The following CENPW variants were observed in gnomAD, a reference collection of about 807,000 sequenced individuals.
CENPW encodes the protein cancer-up-regulated gene 2 protein.
Under a neutral mutation model 11.1 loss-of-function variants are expected in CENPW, and 3 were observed. That is an observed-to-expected ratio of 0.27 (90% CI 0.12 to 0.70). The LOEUF (loss-of-function observed/expected upper bound fraction) is 0.70, where lower values mean the gene tolerates loss of function less well. Ranked by LOEUF, CENPW falls within the 30% of genes least tolerant of loss-of-function variation. CENPW has a pLI of 0.77. For missense variants in CENPW, 100 were observed against 105.6 expected, an observed-to-expected ratio of 0.95 and a Z score of 0.23; for synonymous variants, 38 against 42.0, an observed-to-expected ratio of 0.91 and a Z score of 0.37.
intron 1 of CENPW, among the ~76,000 whole-genome samples, chr6:126,341,423 G>A (rs1031918601): frequency 2.6e-5 from 4 of 152,028 alleles, no homozygotes; most frequent in African/African-American, 7.2e-5. Context: ...TTGCTTCCTG[G>A]ACTTCTCCAC....
the CENPW span, among the ~76,000 whole-genome samples, chr6:126,437,467 T>A: frequency 6.6e-6 from 1 of 151,894 alleles, no homozygotes; most frequent in Non-Finnish European, 1.5e-5. Flanking sequence ...CCACTTTGGC[T>A]CCTTGGTTGG....
chr6:126,364,903 C>T, the CENPW span, among the ~76,000 whole-genome samples: 8 of 152,102 alleles, frequency 5.3e-5, no homozygotes, highest in African/African-American at 1.7e-4. Flanking sequence ...GGTATTTAGT[C>T]CCCACAAAAG....
At chr6:126,452,830 C>T in the CENPW span, among the ~76,000 whole-genome samples, 2 of 150,942 alleles carry the variant, frequency 1.3e-5, no homozygotes, top group African/African-American at 4.8e-5. Context: ...CCAGACACAT[C>T]ATAATCAAGC....
chr6:126,367,831 G>A, the CENPW span, among the ~76,000 whole-genome samples: 2 of 152,062 alleles, frequency 1.3e-5, no homozygotes, highest in African/African-American at 4.8e-5. Context: ...AGTTGATGTG[G>A]GAGAATTCAG....
the CENPW span, among the ~76,000 whole-genome samples, chr6:126,366,761 C>T: frequency 1.4e-4 from 22 of 152,128 alleles, no homozygotes; most frequent in African/African-American, 4.3e-4. Context: ...TTGCAGAATA[C>T]CTGAGATTGG....
the CENPW span, among the ~76,000 whole-genome samples, chr6:126,470,054 G>A: frequency 6.6e-6 from 1 of 152,174 alleles, no homozygotes; most frequent in Non-Finnish European, 1.5e-5. Flanking sequence ...AACTCAAGCT[G>A]GCTGCAAAAA....
At chr6:126,469,285 TGTCA>T in the CENPW span, among the ~76,000 whole-genome samples, 1 of 152,112 alleles carries the variant, frequency 6.6e-6, no homozygotes, top group African/African-American at 2.4e-5. Context: ...AGTTTAAAAG[TGTCA>T]GTTTCTCCTG....
At chr6:126,395,052 T>C in the CENPW span, among the ~76,000 whole-genome samples, 1 of 152,128 alleles carries the variant, frequency 6.6e-6, no homozygotes, top group Non-Finnish European at 1.5e-5. Context: ...TTCTATAACC[T>C]TCTTGTATTG....
the CENPW span, among the ~76,000 whole-genome samples, chr6:126,379,247 A>G: frequency 6.6e-6 from 1 of 152,150 alleles, no homozygotes; most frequent in East Asian, 1.9e-4. Flanking sequence ...CTTTAAACTC[A>G]CAGTGGAGGT....
chr6:126,421,264 C>G, the CENPW span, among the ~76,000 whole-genome samples: 2 of 152,066 alleles, frequency 1.3e-5, no homozygotes, highest in Admixed American at 1.3e-4. Context: ...AGCCTGCAGT[C>G]TTCCTTTTAA....
At chr6:126,382,828 A>G in the CENPW span, among the ~76,000 whole-genome samples, 1 of 152,178 alleles carries the variant, frequency 6.6e-6, no homozygotes, top group Non-Finnish European at 1.5e-5. Flanking sequence ...TCTGAAAGAG[A>G]TGAAGAGAAT....
At chr6:126,381,285 C>T in the CENPW span, among the ~76,000 whole-genome samples, 5 of 152,148 alleles carry the variant, frequency 3.3e-5, no homozygotes, top group Non-Finnish European at 5.9e-5. Flanking sequence ...TGAGTCACTT[C>T]TGTTGTTGGC....
the CENPW span, among the ~76,000 whole-genome samples, chr6:126,443,012 T>C: frequency 2.6e-5 from 4 of 151,312 alleles, no homozygotes; most frequent in Non-Finnish European, 5.9e-5. Context: ...TTTATGACAA[T>C]GTGATTATTT....
At chr6:126,403,303 T>G in the CENPW span, among the ~76,000 whole-genome samples, 1 of 152,116 alleles carries the variant, frequency 6.6e-6, no homozygotes, top group Non-Finnish European at 1.5e-5. Flanking sequence ...AAGCTAGAAA[T>G]GATTAAGCTT....
chr6:126,397,902 C>A, the CENPW span, among the ~76,000 whole-genome samples: 1 of 152,148 alleles, frequency 6.6e-6, no homozygotes, highest in Admixed American at 6.5e-5. Context: ...CTGCTCTTAA[C>A]CCTCTTTTTT....
the CENPW span, among the ~76,000 whole-genome samples, chr6:126,477,978 T>G: frequency 6.6e-6 from 1 of 152,028 alleles, no homozygotes; most frequent in Non-Finnish European, 1.5e-5. Context: ...TTCTACCAGC[T>G]CTTTTCAATT....
At chr6:126,457,942 G>T in the CENPW span, among the ~76,000 whole-genome samples, 1 of 151,210 alleles carries the variant, frequency 6.6e-6, no homozygotes, top group East Asian at 1.9e-4. Flanking sequence ...TAAACTTCAT[G>T]CATGGGACTC....
At chr6:126,476,832 A>T in the CENPW span, among the ~76,000 whole-genome samples, 1 of 152,072 alleles carries the variant, frequency 6.6e-6, no homozygotes, top group Non-Finnish European at 1.5e-5. Flanking sequence ...GATCATAAAG[A>T]GAAGAATTGT....
At chr6:126,394,838 A>G in the CENPW span, among the ~76,000 whole-genome samples, 1 of 151,574 alleles carries the variant, frequency 6.6e-6, no homozygotes, top group Non-Finnish European at 1.5e-5. Flanking sequence ...ATTCTATACT[A>G]AAAGTTTTTT....
Sources: gnomAD v4.1 joint callset for allele counts (sites outside exome capture counted in the v4.1 genomes callset) on GRCh38, gnomAD v4.1.1 for gene constraint, MANE v1.5 for transcripts, NCBI Gene and HGNC (gene_info 2026-07-23, HGNC 2026-07-21) for gene names.